CACNA1C: variants seen among roughly 807,000 people sequenced by gnomAD.
CACNA1C encodes the protein calcium voltage-gated channel subunit alpha1 C.
In CACNA1C, 30 loss-of-function variants were observed where a neutral mutation model predicts 229.0. The ratio of observed to expected loss-of-function variants is 0.13; its 90% CI spans 0.10 to 0.18. The LOEUF (loss-of-function observed/expected upper bound fraction) is 0.18. Ranked by LOEUF, CACNA1C falls within the 10% of genes least tolerant of loss-of-function variation. The pLI is 1.00. For missense variants in CACNA1C, 1,658 were observed against 2,845.0 expected, an observed-to-expected ratio of 0.58 and a Z score of 9.49; for synonymous variants, 1,114 against 1,132.5, an observed-to-expected ratio of 0.98 and a Z score of 0.33.
At chr12:2,451,327 G>A (rs2099366628) in intron 4 of CACNA1C, among the ~76,000 whole-genome samples, 1 of 152,212 alleles carries the variant, frequency 6.6e-6, no homozygotes, top group East Asian at 1.9e-4. Flanking sequence ...CTTTCTCAAG[G>A]CCTCAGTCTC....
At chr12:2,293,314 G>A (rs1448384890) in intron 3 of CACNA1C, among the ~76,000 whole-genome samples, 1 of 152,188 alleles carries the variant, frequency 6.6e-6, no homozygotes, top group African/African-American at 2.4e-5. Flanking sequence ...TTCACAATAA[G>A]CTTTTATACA....
Position 2,067,481 on chromosome 12 carries a change from T to TGCGCGCGTGTGC in CACNA1C, c.49+13872_49+13883dup, listed in dbSNP as rs2059781696. 7.1e-6 allele frequency among the ~76,000 whole-genome samples: 1 copy of TGCGCGCGTGTGC among 140,778 alleles called. No homozygotes were observed. The highest frequency in any genetic ancestry group is 2.3e-4 in the South Asian group (1 of 4,368). 92.4% of individuals were successfully genotyped at this position (140,778 alleles called of 152,430 possible). A position where few individuals can be genotyped will look rare whatever the true frequency, so the allele number is the denominator to read the frequency against. On this transcript the variant is annotated intron_variant, in intron 1 of 46. Transcript: ENST00000399655. This position sits in a 1 kb window ranked among gnomAD's most constrained non-coding sequence, Gnocchi z 5.3. ...GTGTGTGTGTGTGTGTGTGTGTGTG[T>TGCGCGCGTGTGC]GCGCGCGTGTGCGTGCCTGTATGTA...
chr12:2,572,328 TCCTTCTCTTC>T (rs2055164062), intron 13 of CACNA1C, among the ~76,000 whole-genome samples: 1 of 144,770 alleles, frequency 6.9e-6, no homozygotes, highest in South Asian at 2.3e-4. Context: ...CTCTTCCTCC[TCCTTCTCTTC>T]TTCCTCCTCC....
intron 1 of CACNA1C, among the ~76,000 whole-genome samples, chr12:1,973,919 G>A (rs757651550): frequency 6.6e-5 from 10 of 151,894 alleles, no homozygotes; most frequent in South Asian, 2.1e-4. Flanking sequence ...CTCTCTACTC[G>A]TCCTTGAAGA....
At chr12:2,052,434 C>G (rs2052466049), upstream of CACNA1C, among the ~76,000 whole-genome samples, 1 of 152,072 alleles carries the variant, frequency 6.6e-6, no homozygotes, top group Non-Finnish European at 1.5e-5. Flanking sequence ...AAACGAGACT[C>G]TGGTAGTCGG....
At chr12:2,461,841 G>A (rs886604203) in intron 5 of CACNA1C, among the ~76,000 whole-genome samples, 7 of 152,138 alleles carry the variant, frequency 4.6e-5, no homozygotes, top group African/African-American at 7.2e-5. Context: ...AGCGCTGGCC[G>A]CCCTCGCCTC....
At chr12:2,453,900 A>G (rs1336073220) in intron 4 of CACNA1C, among the ~76,000 whole-genome samples, 1 of 152,196 alleles carries the variant, frequency 6.6e-6, no homozygotes, top group African/African-American at 2.4e-5. Flanking sequence ...CCCAGTTCTC[A>G]GCTTCCTTTC....
At chr12:2,183,389 A>C (rs1195030095) in intron 3 of CACNA1C, among the ~76,000 whole-genome samples, 1 of 152,160 alleles carries the variant, frequency 6.6e-6, no homozygotes, top group Non-Finnish European at 1.5e-5. Flanking sequence ...TCTGGTAAGC[A>C]CCGGGAATGG....
chr12:2,676,210 T>C (rs1197804047), intron 39 of CACNA1C: 3 of 152,188 alleles, frequency 2.0e-5, no homozygotes, highest in African/African-American at 7.2e-5. Context: ...TTCCTGACTA[T>C]GCTGGACAGG....
intron 7 of CACNA1C, among the ~76,000 whole-genome samples, chr12:2,501,817 G>A (rs2099761060): frequency 6.6e-6 from 1 of 152,232 alleles, no homozygotes; most frequent in Non-Finnish European, 1.5e-5. Context: ...GACAGTGTCT[G>A]ACACACAAGG....
In CACNA1C at chr12:2,655,212, C is replaced by T; in HGVS notation, c.4206C>T (p.Phe1402=). ...EINRNNNFQT[F]PQAVLLLFRC... is the part of the protein sequence containing the mutation. ...ACCGGAACAACAACTTTCAGACCTT[C>T]CCCCAGGCCGTGCTGCTCCTCTTCA... The change falls in exon 34 of 47, where the codon TTC becomes TTT. Residue 1402 remains phenylalanine (F), a synonymous_variant. Transcript: ENST00000399655. 1.2e-6 allele frequency: 2 copies of T among 1,612,900 alleles called. No homozygotes were observed. Among genetic ancestry groups the T allele is most frequent in the Non-Finnish European group, 1.7e-6 (2 of 1,178,994 alleles).
In CACNA1C at chr12:2,406,149, G is replaced by C. The variant is rs546506866; in HGVS notation, c.478-42827G>C. On this transcript the variant is annotated intron_variant, in intron 3 of 46. Transcript: ENST00000399655. ...GTCATTTGAATTATTTTCCCCCCTG[G>C]GCAAGGTGACATTTCCCTTGCACTA... Among the ~76,000 whole-genome samples, 6 of 152,034 alleles carry C rather than the reference G, an allele frequency of 3.9e-5. No homozygotes were observed. In the East Asian group the frequency reaches 9.7e-4, roughly 24 times the overall value.
At chr12:2,165,135 A>G (rs1228997849) in intron 3 of CACNA1C, among the ~76,000 whole-genome samples, 2 of 152,216 alleles carry the variant, frequency 1.3e-5, no homozygotes, top group African/African-American at 4.8e-5. Context: ...TTACAAAAAC[A>G]TGGGTTGACT....
rs1296256926 is a variant in CACNA1C at position 2,416,440 on chromosome 12, T to TGG, written c.478-32532_478-32531dup. Among the ~76,000 whole-genome samples, 5 of 150,970 alleles carry TGG rather than the reference T, an allele frequency of 3.3e-5. No individual in the cohort carries two copies. In the East Asian group the frequency reaches 9.8e-4, roughly 29 times the overall value. On this transcript the variant is annotated intron_variant, in intron 3 of 46. Coordinates refer to ENST00000399655, the MANE Select transcript of CACNA1C (RefSeq NM_000719.7). ...AGAAAAAAGAGAAGGAAGGAAGGAG[T>TGG]GGGGGACGATTGTAATATTTATAAG...
In CACNA1C at chr12:2,585,752, A is replaced by C; in HGVS notation, c.2461-83A>C. Reference sequence around the variant, plus strand: ...TTTTTGAGCTAAGTCACTGACTAAAATGCAACTTCAAGGCTACTGCAAGCC... The same window carrying C: ...TTTTTGAGCTAAGTCACTGACTAAACTGCAACTTCAAGGCTACTGCAAGCC... On this transcript the variant is annotated intron_variant, in intron 17 of 46. Transcript: ENST00000399655. The surrounding 1 kb of genome is among the most constrained non-coding windows in gnomAD (Gnocchi z 4.1). 9.3e-7 allele frequency: 1 copy of C among 1,080,980 alleles called. No individual in the cohort carries two copies. Among genetic ancestry groups the C allele is most frequent in the Non-Finnish European group, 1.4e-6 (1 of 715,450 alleles). The allele number at this position is 1,080,980 out of a possible 1,614,324, so 67.0% of individuals were successfully genotyped here. A position where few individuals can be genotyped will look rare whatever the true frequency, so the allele number is the denominator to read the frequency against.
chr12:2,074,636 C>G (rs1215415018), intron 1 of CACNA1C, among the ~76,000 whole-genome samples: 2 of 152,138 alleles, frequency 1.3e-5, no homozygotes, highest in Admixed American at 1.3e-4. Context: ...AGTGCCGTGA[C>G]TCAAAATAGC....
chr12:1,986,001 G>A (rs1028701945), intron 1 of CACNA1C, among the ~76,000 whole-genome samples: 17 of 152,094 alleles, frequency 1.1e-4, no homozygotes, highest in Non-Finnish European at 2.1e-4. Context: ...TTTTAGTAGA[G>A]ATGGAGTTTC....
chr12:2,408,460 G>A (rs1472129825), intron 3 of CACNA1C, among the ~76,000 whole-genome samples: 1 of 150,520 alleles, frequency 6.6e-6, no homozygotes. Flanking sequence ...CCTTTCCTGG[G>A]CTTTTGGCTA....
At chr12:2,439,637 A>G (rs896872183) in intron 3 of CACNA1C, among the ~76,000 whole-genome samples, 5 of 152,128 alleles carry the variant, frequency 3.3e-5, no homozygotes, top group Non-Finnish European at 7.3e-5. Flanking sequence ...GCATACTCGC[A>G]AGAAACTGAT....
Sources: allele counts gnomAD v4.1 joint callset (sites outside exome capture counted in the v4.1 genomes callset), GRCh38; gene constraint gnomAD v4.1.1; non-coding constraint Gnocchi (gnomAD v3.1); transcripts MANE v1.5; gene names NCBI Gene and HGNC (gene_info 2026-07-23, HGNC 2026-07-21).